Variants in RUSC1 observed in about 807,000 individuals in gnomAD.
RUSC1 encodes RUN and SH3 domain containing 1.
In RUSC1, 40 loss-of-function variants were observed where a neutral mutation model predicts 72.1. The observed-to-expected ratio is 0.55, with a 90% CI of 0.43 to 0.72. The LOEUF (loss-of-function observed/expected upper bound fraction) is 0.72. Ranked by LOEUF, RUSC1 falls within the 30% of genes least tolerant of loss-of-function variation. The pLI, the probability that RUSC1 is intolerant of heterozygous loss-of-function variation, is 0.00. For synonymous variants in RUSC1, 512 were observed against 494.2 expected (o/e 1.04, Z -0.48); for missense variants, 1,092 against 1,172.3 (o/e 0.93, Z 1.00).
Position 155,326,935 on chromosome 1 carries a change from C to A in RUSC1, c.2217C>A (p.Val739=). Residue 739 remains valine (V), a synonymous_variant, in exon 8 of 10, where the codon GTC becomes GTA. Coordinates refer to ENST00000368352, the MANE Select transcript of RUSC1 (RefSeq NM_001105203.2). The surrounding 1 kb of genome is among the most constrained non-coding windows in gnomAD (Gnocchi z 4.7). The part of the protein sequence containing the change: ...WWEQLTQASR[V]YASGGTEGFP... ...AGCAGTTGACCCAGGCCTCCCGGGTCTATGCCTCTGGGGGCACTGAGGGCT... is the reference window on the plus strand; with the variant it reads ...AGCAGTTGACCCAGGCCTCCCGGGTATATGCCTCTGGGGGCACTGAGGGCT... 1 of 1,613,816 alleles carries A rather than the reference C, an allele frequency of 6.2e-7. No homozygotes were observed. The highest frequency in any genetic ancestry group is 1.1e-5 in the South Asian group (1 of 91,074).
intron 9 of RUSC1, among the ~76,000 whole-genome samples, chr1:155,328,752 C>T (rs1447401907): frequency 6.6e-6 from 1 of 152,178 alleles, no homozygotes; most frequent in Non-Finnish European, 1.5e-5. Flanking sequence ...GCACATGCCG[C>T]CACGCCCAGC....
rs1018680659 is a variant in RUSC1 at position 155,326,504 on chromosome 1, G to A, written c.1862-76G>A. Reference sequence around the variant, plus strand: ...AGTGAGGCCTGGGAAGATGTGTGCTGACTGGTGGGCTGCTCTGGGGGGTCT... The same window carrying A: ...AGTGAGGCCTGGGAAGATGTGTGCTAACTGGTGGGCTGCTCTGGGGGGTCT... On this transcript the variant is annotated intron_variant, in intron 7 of 9. Coordinates refer to ENST00000368352, the MANE Select transcript of RUSC1 (RefSeq NM_001105203.2). This position sits in a 1 kb window ranked among gnomAD's most constrained non-coding sequence, Gnocchi z 4.7. 31 of 1,431,252 alleles carry A rather than the reference G, an allele frequency of 2.2e-5. No individual in the cohort carries two copies. The highest frequency in any genetic ancestry group is 2.8e-5 in the African/African-American group (2 of 70,656). 88.7% of individuals were successfully genotyped at this position (1,431,252 alleles called of 1,614,324 possible).
rs748823853 is a variant in RUSC1, at chr1:155,330,506, C to T, written c.2644C>T (p.Leu882Phe). ...CATCACCACAGTGGATGAGGACTGG[C>T]TCCGCTGTGGGCGGGATGGCATGGA... ...RVITTVDEDWLRCGRDGMEGL... is the reference protein window; with the variant it reads ...RVITTVDEDWFRCGRDGMEGL... The change falls in exon 10 of 10, where the codon CTC becomes TTC. Residue 882 changes from leucine to phenylalanine, a missense_variant. By Grantham distance (22) the Leu-to-Phe change is conservative. Transcript: ENST00000368352. 8 of 1,613,978 alleles carry T rather than the reference C, an allele frequency of 5.0e-6. No homozygotes were observed. Among genetic ancestry groups the T allele is most frequent in the Non-Finnish European group, 6.8e-6 (8 of 1,179,948 alleles).
rs1651631448 is a variant in RUSC1, at chr1:155,328,258, G to C, written c.2523G>C (p.Arg841Ser). The part of the protein sequence containing the change: ...SPQELEASAP[R>S]MVQTHRAVRA... ...AGGAGCTTGAGGCCTCAGCACCCAGGATGGTGCAAACCCATAGGTAAGGAG... is the reference window on the plus strand; with the variant it reads ...AGGAGCTTGAGGCCTCAGCACCCAGCATGGTGCAAACCCATAGGTAAGGAG... The change falls in exon 9 of 10, where the codon AGG becomes AGC. Residue 841 changes from arginine (R) to serine (S), a missense_variant. Transcript: ENST00000368352. The C allele has an allele frequency of 6.2e-7, 1 of 1,612,868 alleles. No homozygotes were observed. The highest frequency in any genetic ancestry group is 8.5e-7 in the Non-Finnish European group (1 of 1,179,506).
chr1:155,324,219 C>A (rs914951201), intron 2 of RUSC1: 4 of 1,426,562 alleles, frequency 2.8e-6, no homozygotes, highest in South Asian at 1.5e-5. Context: ...GTGAAGCTCC[C>A]GGGAGCTCAT....
intron 2 of RUSC1, chr1:155,324,367 C>G (rs1308881656): frequency 6.2e-7 from 1 of 1,609,894 alleles, no homozygotes; most frequent in Non-Finnish European, 8.5e-7. Flanking sequence ...ATCCTCGGGT[C>G]TCGCCTCCCT....
Position 155,322,322 on chromosome 1 carries a change from C to A in RUSC1, c.549C>A (p.Asn183Lys). 6.2e-7 allele frequency: 1 copy of A among 1,611,982 alleles called. No homozygotes were observed. Among genetic ancestry groups the A allele is most frequent in the Non-Finnish European group, 8.5e-7 (1 of 1,178,472 alleles). The change falls in exon 2 of 10, where the codon AAC (asparagine) becomes AAA (lysine). Residue 183 changes from asparagine to lysine, a missense_variant. Physicochemically the swap from Asn to Lys is moderately conservative, Grantham distance 94. Transcript: ENST00000368352. The part of the protein sequence containing the change: ...SPDPGLDSNC[N>K]ALTTCQDVPS... The stretch of plus-strand genomic sequence containing the variant: ...ATCCTGGCCTGGACTCGAACTGCAA[C>A]GCCCTGACCACCTGCCAGGACGTCC...
intron 2 of RUSC1, 100 bp from the exon 3 acceptor site, chr1:155,324,745 C>T: frequency 6.3e-7 from 1 of 1,597,018 alleles, no homozygotes; most frequent in Non-Finnish European, 8.5e-7. Flanking sequence ...CCTTCGGGGA[C>T]ACAGCACTGC....
intron 2 of RUSC1, chr1:155,324,148 G>A: frequency 7.6e-7 from 1 of 1,323,928 alleles, no homozygotes; most frequent in Non-Finnish European, 9.7e-7. Flanking sequence ...CACCCTCTGT[G>A]GAATTCCTTG....
At position 155,322,616 on chromosome 1, in the gene RUSC1, A is replaced by G. The variant is rs376933236; in HGVS notation, c.843A>G (p.Thr281=). 6.2e-7 allele frequency: 1 copy of G among 1,614,154 alleles called. No individual in the cohort carries two copies. Among genetic ancestry groups the G allele is most frequent in the Non-Finnish European group, 8.5e-7 (1 of 1,180,058 alleles). The part of the protein sequence containing the change: ...EKFDSGWKTN[T]RITDSGSKTD... ...TCGACTCTGGTTGGAAAACCAACACAAGAATAACTGATTCTGGCTCGAAAA... is the reference window on the plus strand; with the variant it reads ...TCGACTCTGGTTGGAAAACCAACACGAGAATAACTGATTCTGGCTCGAAAA... Residue 281 remains threonine, a synonymous_variant, in exon 2 of 10, where the codon ACA becomes ACG. Transcript: ENST00000368352.
rs754464546 is a variant in RUSC1 at position 155,325,952 on chromosome 1, GA to G, written c.1861+43del. On this transcript the variant is annotated intron_variant, in intron 7 of 9. Transcript: ENST00000368352. The surrounding 1 kb of genome is among the most constrained non-coding windows in gnomAD (Gnocchi z 6.5). ...GTAGAGGATGGGGCTGATGGGCTGG[GA>G]GGATGGGAAGGAAAGAGTTCTCTCC... 1.6e-5 allele frequency: 25 copies of G among 1,601,904 alleles called. No homozygotes were observed.
rs777481643 is a variant in RUSC1, at chr1:155,321,939, A to C, written c.166A>C (p.Ser56Arg). The C allele has an allele frequency of 6.2e-7, 1 of 1,604,304 alleles. No individual in the cohort carries two copies. Among genetic ancestry groups the C allele is most frequent in the Non-Finnish European group, 8.5e-7 (1 of 1,175,328 alleles). Residue 56 changes from serine to arginine, a missense_variant, in exon 2 of 10, where the codon AGT (serine) becomes CGT (arginine). Physicochemically the swap from Ser to Arg is moderately radical, Grantham distance 110. Coordinates refer to ENST00000368352, the MANE Select transcript of RUSC1 (RefSeq NM_001105203.2). ...TGGKESRGPC[S>R]GTLVDANSNS... ...GGGCAAGGAGAGCAGGGGCCCCTGC[A>C]GTGGCACCCTGGTGGACGCCAATTC...
chr1:155,327,534 C>G (rs1053001440), intron 8 of RUSC1, among the ~76,000 whole-genome samples: 1 of 152,188 alleles, frequency 6.6e-6, no homozygotes, highest in Non-Finnish European at 1.5e-5. Flanking sequence ...TTGTGCATTT[C>G]AAACCTGCTT....
chr1:155,321,052 G>C, intron 1 of RUSC1, 61 bp downstream of exon 1: 1 of 1,450,636 alleles, frequency 6.9e-7, no homozygotes, highest in Non-Finnish European at 9.3e-7. Context: ...GGCGGGGCAG[G>C]ACAAGGGAGC....
chr1:155,324,822 G>A lies in RUSC1; in HGVS notation c.1358-23G>A, dbSNP rs369563249. ...GGAATAACACTTGGTAAGTGTTACC[G>A]CGCCCTTCTTCCCTTACGCCAGTCC... On this transcript the variant is annotated intron_variant, in intron 2 of 9. Coordinates refer to ENST00000368352, the MANE Select transcript of RUSC1 (RefSeq NM_001105203.2). The A allele has an allele frequency of 1.5e-4, 246 of 1,614,228 alleles. 2 individuals are homozygous for A. The African/African-American group carries it at 2.9e-3, about 19-fold the overall frequency.
At chr1:155,324,299 C>G (rs1417841989) in intron 2 of RUSC1, 1 of 1,560,298 alleles carries the variant, frequency 6.4e-7, no homozygotes, top group African/African-American at 1.4e-5. Context: ...GGGCACCCTC[C>G]GCCAAGAGGC....
At chr1:155,321,050 A>C (rs1650371147) in intron 1 of RUSC1, 59 bp downstream of exon 1, 2 of 1,450,238 alleles carry the variant, frequency 1.4e-6, no homozygotes, top group Non-Finnish European at 1.9e-6. Flanking sequence ...GGGGCGGGGC[A>C]GGACAAGGGA....
rs756576807 is a variant in RUSC1 at position 155,322,695 on chromosome 1, G to A, written c.922G>A (p.Val308Met). ...GAGAAGTGACGTCAGCGAGGAGCCG[G>A]TGCCCCACCGGACAATCACGTCCTT... ...GWRSDVSEEP[V>M]PHRTITSFHE... Residue 308 changes from valine (V) to methionine (M), a missense_variant, in exon 2 of 10, where the codon GTG becomes ATG. Physicochemically the swap from Val to Met is conservative, Grantham distance 21. Transcript: ENST00000368352. 6.2e-7 allele frequency: 1 copy of A among 1,614,232 alleles called. No individual in the cohort carries two copies. Among genetic ancestry groups the A allele is most frequent in the South Asian group, 1.1e-5 (1 of 91,086 alleles).
chr1:155,329,162 C>T (rs1651746735), intron 9 of RUSC1, among the ~76,000 whole-genome samples: 1 of 152,086 alleles, frequency 6.6e-6, no homozygotes, highest in Admixed American at 6.5e-5. Context: ...TTTCGGCTCA[C>T]TGCAACCACG....
Sources: allele counts gnomAD v4.1 joint callset (sites outside exome capture counted in the v4.1 genomes callset), GRCh38; gene constraint gnomAD v4.1.1; non-coding constraint Gnocchi (gnomAD v3.1); transcripts MANE v1.5; gene names NCBI Gene and HGNC (gene_info 2026-07-23, HGNC 2026-07-21).